CDH4: variants seen among roughly 807,000 people sequenced by gnomAD.
CDH4 encodes the protein cadherin 4.
In CDH4, 33 loss-of-function variants were observed where a neutral mutation model predicts 86.0. The observed-to-expected ratio is 0.38, with a 90% CI of 0.29 to 0.51. CDH4 has a LOEUF of 0.51. Ranked by LOEUF, CDH4 falls within the 20% of genes least tolerant of loss-of-function variation. CDH4 has a pLI of 0.86. For synonymous variants in CDH4, 555 were observed against 549.4 expected (o/e 1.01, Z -0.14); for missense variants, 1,114 against 1,307.4 (o/e 0.85, Z 2.28).
intron 2 of CDH4, among the ~76,000 whole-genome samples, chr20:61,578,978 G>T (rs1416007307): frequency 3.9e-5 from 6 of 152,122 alleles, no homozygotes; most frequent in Non-Finnish European, 8.8e-5. Flanking sequence ...GTACCCCTGG[G>T]CTGGGATTGA....
rs113810149 is a variant in CDH4 at position 61,924,521 on chromosome 20, T to C, written c.1771+45T>C. 1.0e-3 allele frequency: 1,585 copies of C among 1,589,114 alleles called. 13 individuals carry two copies. The African/African-American group carries it at 0.019, about 19-fold the overall frequency. ...GGCAGCCGTCTCGGTGGCCTTCCCG[T>C]GTCCTGGGTTCTGTGGGCGAGGGAG... On this transcript the variant is annotated intron_variant, in intron 11 of 15. Transcript: ENST00000614565.
intron 7 of CDH4, among the ~76,000 whole-genome samples, chr20:61,882,138 G>T (rs1281155149): frequency 6.6e-6 from 1 of 152,150 alleles, no homozygotes; most frequent in African/African-American, 2.4e-5. Flanking sequence ...CACCTCATTT[G>T]ACCAGACCCT....
chr20:61,549,149 A>T (rs1439113363), intron 2 of CDH4, among the ~76,000 whole-genome samples: 2 of 152,104 alleles, frequency 1.3e-5, no homozygotes, highest in Non-Finnish European at 2.9e-5. Context: ...CTGCTTCTTG[A>T]TGTTACAGTG....
intron 2 of CDH4, among the ~76,000 whole-genome samples, chr20:61,447,969 AC>A (rs1275098340): frequency 4.6e-5 from 7 of 152,078 alleles, no homozygotes; most frequent in African/African-American, 1.7e-4. Flanking sequence ...GCATGAACTT[AC>A]TTTTTGGAGG....
rs2085001422 is a variant in CDH4, at chr20:61,393,992, A to C, written c.169+139055A>C. Among the ~76,000 whole-genome samples the C allele has an allele frequency of 6.6e-6, 1 of 152,226 alleles. No individual in the cohort carries two copies. The highest frequency in any genetic ancestry group is 1.5e-5 in the Non-Finnish European group (1 of 68,048). ...TAATAACATTGCTCTATCTGCATAGATCACAGAAGACGTATAATACAAATA... is the reference window on the plus strand; with the variant it reads ...TAATAACATTGCTCTATCTGCATAGCTCACAGAAGACGTATAATACAAATA... On this transcript the variant is annotated intron_variant, in intron 2 of 15. Coordinates refer to ENST00000614565, the MANE Select transcript of CDH4 (RefSeq NM_001794.5). The surrounding 1 kb of genome is among the most constrained non-coding windows in gnomAD (Gnocchi z 4.3).
intron 2 of CDH4, among the ~76,000 whole-genome samples, chr20:61,449,973 G>A (rs1200358818): frequency 1.3e-5 from 2 of 152,296 alleles, no homozygotes; most frequent in Admixed American, 6.5e-5. Flanking sequence ...CAAAACCAGC[G>A]AGAACTCTGT....
intron 2 of CDH4, among the ~76,000 whole-genome samples, chr20:61,274,115 G>T (rs1439942416): frequency 1.4e-5 from 2 of 141,536 alleles, no homozygotes; most frequent in African/African-American, 2.7e-5. Context: ...TGTGCAGTTT[G>T]GGGGAGTATT....
intron 2 of CDH4, among the ~76,000 whole-genome samples, chr20:61,429,699 A>G (rs1433116477): frequency 6.7e-6 from 1 of 148,426 alleles, no homozygotes; most frequent in Non-Finnish European, 1.5e-5. Flanking sequence ...GGGTGGATGG[A>G]TGGGTGGATA....
At chr20:61,442,124 T>C (rs2085317575) in intron 2 of CDH4, among the ~76,000 whole-genome samples, 1 of 152,216 alleles carries the variant, frequency 6.6e-6, no homozygotes, top group African/African-American at 2.4e-5. Context: ...AGTGCATCTA[T>C]TTAGCATGAT....
chr20:61,805,161 G>A (rs535716505), intron 4 of CDH4, among the ~76,000 whole-genome samples: 13 of 152,276 alleles, frequency 8.5e-5, no homozygotes, highest in South Asian at 2.1e-4. Context: ...AAGCCGGTAC[G>A]GTGCTGAGAA....
In CDH4 at chr20:61,910,347, A is replaced by C. The variant is rs377535852; in HGVS notation, c.1189-75A>C. The stretch of plus-strand genomic sequence containing the variant: ...TTTGTGAACACTCGTTGAGCTGCAC[A>C]TATGCTACGTGCACTTCTCTGTGCA... On this transcript the variant is annotated intron_variant, in intron 8 of 15. Transcript: ENST00000614565. 22 of 1,303,052 alleles carry C rather than the reference A, an allele frequency of 1.7e-5. No individual in the cohort carries two copies. The African/African-American group carries it at 2.9e-4, about 17-fold the overall frequency. 80.7% of individuals were successfully genotyped at this position (1,303,052 alleles called of 1,614,324 possible).
intron 2 of CDH4, among the ~76,000 whole-genome samples, chr20:61,337,242 G>A (rs549594863): frequency 2.3e-4 from 5 of 21,342 alleles, no homozygotes; most frequent in Admixed American, 1.8e-3. Context: ...GGCAATGGTG[G>A]TGGTGAAGAT....
At chr20:61,554,719 C>G (rs535125131) in intron 2 of CDH4, among the ~76,000 whole-genome samples, 70 of 152,354 alleles carry the variant, frequency 4.6e-4, no homozygotes, top group African/African-American at 1.6e-3. Context: ...GTGGGTGTTC[C>G]TGTGTGTACA....
rs568982134 is a variant in CDH4 at position 61,657,760 on chromosome 20, G to A, written c.170-85803G>A. Among the ~76,000 whole-genome samples the A allele has an allele frequency of 7.7e-4, 117 of 152,334 alleles. 1 individual carries two copies. The highest frequency in any genetic ancestry group is 2.6e-3 in the African/African-American group (109 of 41,574). On this transcript the variant is annotated intron_variant, in intron 2 of 15. Transcript: ENST00000614565. ...AGAATATAAATGCAGCATTCACCTC[G>A]TAGTAAAATGTGGAGCTACATGGGA...
chr20:61,568,282 A>G lies in CDH4; in HGVS notation c.170-175281A>G, dbSNP rs552556525. The stretch of plus-strand genomic sequence containing the variant: ...GAGAGGTAACTGAATTATGGGGGTG[A>G]TTTCCCCATGCTCTTCTCATGATAG... On this transcript the variant is annotated intron_variant, in intron 2 of 15. Transcript: ENST00000614565. Among the ~76,000 whole-genome samples the G allele has an allele frequency of 1.8e-4, 28 of 152,190 alleles. 1 individual carries two copies. Among genetic ancestry groups the G allele is most frequent in the Non-Finnish European group, 2.6e-4 (18 of 68,002 alleles).
intron 2 of CDH4, among the ~76,000 whole-genome samples, chr20:61,345,448 C>T (rs747065503): frequency 2.0e-5 from 3 of 152,176 alleles, no homozygotes; most frequent in Non-Finnish European, 4.4e-5. Context: ...TTGAACATTC[C>T]GTATTTCATT....
intron 2 of CDH4, among the ~76,000 whole-genome samples, chr20:61,649,178 C>A (rs2087095603): frequency 6.6e-6 from 1 of 152,226 alleles, no homozygotes; most frequent in South Asian, 2.1e-4. Context: ...GGGCTCTTCC[C>A]CCTTCTATGG....
chr20:61,677,031 G>A (rs373389281), intron 2 of CDH4, among the ~76,000 whole-genome samples: 3 of 152,160 alleles, frequency 2.0e-5, no homozygotes, highest in African/African-American at 7.2e-5. Flanking sequence ...GACAGAGAGA[G>A]GACAGGTGCA....
chr20:61,853,332 G>A (rs776250273), intron 6 of CDH4, among the ~76,000 whole-genome samples: 2 of 152,122 alleles, frequency 1.3e-5, no homozygotes, highest in Non-Finnish European at 2.9e-5. Context: ...GGGAGGCAAC[G>A]AAGTCAGAGG....
Sources: gnomAD v4.1 joint callset for allele counts (sites outside exome capture counted in the v4.1 genomes callset) on GRCh38, gnomAD v4.1.1 for gene constraint, Gnocchi (gnomAD v3.1) non-coding constraint, MANE v1.5 for transcripts, NCBI Gene and HGNC (gene_info 2026-07-23, HGNC 2026-07-21) for gene names.